The following RTL9 variants were observed in gnomAD, a reference collection of about 807,000 sequenced individuals.
The protein encoded by RTL9 is retrotransposon Gag like 9.
In RTL9, 19 loss-of-function variants were observed where a neutral mutation model predicts 44.7. The observed-to-expected ratio is 0.42, with a 90% CI of 0.30 to 0.62. The LOEUF (loss-of-function observed/expected upper bound fraction) is 0.62, where lower values mean the gene tolerates loss of function less well. Among genes scored for constraint, RTL9 ranks in the 20% least tolerant of loss-of-function variants. The probability of loss-of-function intolerance (pLI) is 0.16; values close to 1 mark genes in which losing one functional copy is unlikely to be tolerated. For missense variants in RTL9, 1,105 were observed against 1,080.6 expected (o/e 1.02, Z -0.32); for synonymous variants, 407 against 398.9 (o/e 1.02, Z -0.24).
At chrX:110,438,724 C>T (rs1481234030) in intron 1 of RTL9, among the ~76,000 whole-genome samples, 1 of 110,745 alleles carries the variant, frequency 9.0e-6, no homozygotes, top group Non-Finnish European at 1.9e-5. Context: ...CTTCTCAAAT[C>T]CTCTTCAGAA....
chrX:110,377,014 G>A lies in RTL9; in HGVS notation c.-168+18098G>A, dbSNP rs1471304302. Reference sequence around the variant, plus strand: ...TCCCGCTCTAGTGCTACTAACTACAGCACTGCAGTAGTGGTAGGCAGTGGG... The same window carrying A: ...TCCCGCTCTAGTGCTACTAACTACAACACTGCAGTAGTGGTAGGCAGTGGG... On this transcript the variant is annotated intron_variant, in intron 1 of 2. Coordinates refer to the RTL9 transcript ENST00000520821. Among the ~76,000 whole-genome samples, 3 of 112,039 alleles carry A rather than the reference G, an allele frequency of 2.7e-5. No homozygotes were observed. In the East Asian group the frequency reaches 8.4e-4, roughly 31 times the overall value.
chrX:110,433,276 A>T (rs1321533069), intron 1 of RTL9, among the ~76,000 whole-genome samples: 2 of 112,599 alleles, frequency 1.8e-5, no homozygotes, highest in Admixed American at 9.4e-5. Flanking sequence ...CATAGCCCGT[A>T]TCCTCAAAGA....
chrX:110,437,440 T>C (rs1304178088), intron 1 of RTL9, among the ~76,000 whole-genome samples: 1 of 111,724 alleles, frequency 9.0e-6, no homozygotes, highest in Non-Finnish European at 1.9e-5. Flanking sequence ...ACAGATGAGG[T>C]TTAGATAGGT....
intron 1 of RTL9, among the ~76,000 whole-genome samples, chrX:110,429,101 C>T (rs1251462635): frequency 8.9e-6 from 1 of 112,093 alleles, no homozygotes; most frequent in East Asian, 2.8e-4. Flanking sequence ...TCAAGAATTG[C>T]TCAATTCTCA....
chrX:110,369,703 AG>A (rs1479601412), intron 1 of RTL9, among the ~76,000 whole-genome samples: 2 of 111,909 alleles, frequency 1.8e-5, no homozygotes, highest in East Asian at 5.6e-4. Flanking sequence ...AATTTTTTAG[AG>A]ATAGCATGTA....
chrX:110,407,100 A>G (rs1055492885), intron 1 of RTL9, among the ~76,000 whole-genome samples: 1 of 112,147 alleles, frequency 8.9e-6, no homozygotes, highest in Admixed American at 9.5e-5. Context: ...CAACTTCACC[A>G]GTCACCTTTG....
At chrX:110,410,244 G>C (rs1365359915) in intron 1 of RTL9, among the ~76,000 whole-genome samples, 3 of 111,455 alleles carry the variant, frequency 2.7e-5, no homozygotes, top group Non-Finnish European at 1.9e-5. Context: ...TTATTAGTGT[G>C]GGAAGAAGGA....
chrX:110,414,282 A>G (rs1252081950), upstream of RTL9, among the ~76,000 whole-genome samples: 2 of 112,344 alleles, frequency 1.8e-5, no homozygotes, highest in Non-Finnish European at 3.8e-5. Context: ...CTTCTAAGTA[A>G]CTGTCCTGAC....
At chrX:110,375,901 C>T (rs2068373235) in intron 1 of RTL9, among the ~76,000 whole-genome samples, 1 of 111,320 alleles carries the variant, frequency 9.0e-6, no homozygotes. Context: ...ATTCAATGTG[C>T]TTATGGTAGG....
intron 1 of RTL9, among the ~76,000 whole-genome samples, chrX:110,437,732 G>A (rs1419452956): frequency 1.8e-5 from 2 of 111,571 alleles, no homozygotes; most frequent in African/African-American, 6.5e-5. Context: ...GGTCTCAAAA[G>A]TCTAAATCTT....
At chrX:110,438,626 T>TA (rs1465409665) in intron 1 of RTL9, among the ~76,000 whole-genome samples, 2 of 111,621 alleles carry the variant, frequency 1.8e-5, no homozygotes, top group African/African-American at 6.5e-5. Flanking sequence ...AGTTTTGTCC[T>TA]ATAGCCTGAA....
chrX:110,409,204 C>T (rs1232537921), intron 1 of RTL9, among the ~76,000 whole-genome samples: 1 of 109,763 alleles, frequency 9.1e-6, no homozygotes, highest in African/African-American at 3.3e-5. Flanking sequence ...TTTTTTGAGA[C>T]GGGGACTTTT....
At chrX:110,401,171 A>G (rs761243751) in intron 1 of RTL9, among the ~76,000 whole-genome samples, 2 of 112,455 alleles carry the variant, frequency 1.8e-5, no homozygotes, top group Non-Finnish European at 3.8e-5. Flanking sequence ...CTGCAAAGCT[A>G]GGATTTGAAC....
upstream of RTL9, among the ~76,000 whole-genome samples, chrX:110,449,519 G>A (rs755280952): frequency 3.5e-5 from 4 of 112,803 alleles, no homozygotes; most frequent in African/African-American, 9.7e-5. Flanking sequence ...CTTCCAAGCC[G>A]TGTGTCCAAA....
At chrX:110,448,131 C>T (rs1168416903), upstream of RTL9, among the ~76,000 whole-genome samples, 2 of 111,759 alleles carry the variant, frequency 1.8e-5, no homozygotes, top group African/African-American at 3.3e-5. Flanking sequence ...GATTTTTCTC[C>T]GTGTCTGTGA....
chrX:110,374,599 C>T (rs2068362749), intron 1 of RTL9, among the ~76,000 whole-genome samples: 1 of 111,960 alleles, frequency 8.9e-6, no homozygotes, highest in Admixed American at 9.5e-5. Context: ...ATCTTTAAAA[C>T]TTAGAAGTAG....
At chrX:110,429,484 T>G (rs1429222134) in intron 1 of RTL9, among the ~76,000 whole-genome samples, 8 of 95,935 alleles carry the variant, frequency 8.3e-5, no homozygotes, top group Non-Finnish European at 1.5e-4. Flanking sequence ...GTTTTGTTTT[T>G]TTGGTTTTTT....
intron 1 of RTL9, among the ~76,000 whole-genome samples, chrX:110,408,923 T>C (rs190028548): frequency 1.4e-4 from 16 of 112,156 alleles, no homozygotes; most frequent in Non-Finnish European, 1.9e-5. Flanking sequence ...TTATAGTACC[T>C]AGAAATTTAA....
At chrX:110,435,757 C>T (rs763990520) in intron 1 of RTL9, among the ~76,000 whole-genome samples, 1 of 112,182 alleles carries the variant, frequency 8.9e-6, no homozygotes, top group East Asian at 2.8e-4. Flanking sequence ...TTACACTCAT[C>T]ATCTCATTTA....
Sources: allele counts gnomAD v4.1 joint callset (sites outside exome capture counted in the v4.1 genomes callset), GRCh38; gene constraint gnomAD v4.1.1; transcripts MANE v1.5; gene names NCBI Gene and HGNC (gene_info 2026-07-23, HGNC 2026-07-21).